The following XXYLT1 variants were observed in gnomAD, a reference collection of about 807,000 sequenced individuals.
XXYLT1 encodes the protein xyloside xylosyltransferase 1.
A neutral mutation model predicts 28.9 loss-of-function variants in XXYLT1; 20 were observed. The ratio of observed to expected loss-of-function variants is 0.69; its 90% CI spans 0.49 to 1.00. XXYLT1 has a LOEUF of 1.00. Ranked by LOEUF, XXYLT1 falls within the 50% of genes least tolerant of loss-of-function variation. The pLI, the probability that XXYLT1 is intolerant of heterozygous loss-of-function variation, is 0.00. For missense variants in XXYLT1, 542 were observed against 560.1 expected, an observed-to-expected ratio of 0.97 and a Z score of 0.33; for synonymous variants, 257 against 253.8, an observed-to-expected ratio of 1.01 and a Z score of -0.12.
Position 195,256,603 on chromosome 3 carries a change from G to T in XXYLT1, c.504+13952C>A, listed in dbSNP as rs375892477. ...CACATTCAGGATGGGGTCTGGAAAG[G>T]GCATGAGCTCTGTAAGCCCCCAGCA... On this transcript the variant is annotated intron_variant, in intron 1 of 3. Transcript: ENST00000310380. This position sits in a 1 kb window ranked among gnomAD's most constrained non-coding sequence, Gnocchi z 4.2. 6.0e-5 allele frequency: 59 copies of T among 984,228 alleles called. No individual in the cohort carries two copies. In the African/African-American group the frequency reaches 9.2e-4, roughly 15 times the overall value. 61.0% of individuals were successfully genotyped at this position (984,228 alleles called of 1,614,324 possible).
At chr3:195,196,557 C>T (rs1722633634) in intron 2 of XXYLT1, among the ~76,000 whole-genome samples, 1 of 152,158 alleles carries the variant, frequency 6.6e-6, no homozygotes, top group African/African-American at 2.4e-5. Flanking sequence ...ATAACACAGG[C>T]AGATAGGCGG....
At chr3:195,237,546 G>C (rs551922623) in intron 1 of XXYLT1, among the ~76,000 whole-genome samples, 2 of 151,922 alleles carry the variant, frequency 1.3e-5, no homozygotes, top group East Asian at 3.9e-4. Flanking sequence ...TGCCCACGAA[G>C]GTGCTTTTTT....
At chr3:195,071,665 G>GTGATTGAT (rs113132423) in intron 3 of XXYLT1, among the ~76,000 whole-genome samples, 1 of 151,926 alleles carries the variant, frequency 6.6e-6, no homozygotes, top group Non-Finnish European at 1.5e-5. Context: ...AAAGTCTGCG[G>GTGATTGAT]TGATAGGGTC....
At chr3:195,084,113 C>G (rs1715593760) in intron 3 of XXYLT1, among the ~76,000 whole-genome samples, 1 of 152,188 alleles carries the variant, frequency 6.6e-6, no homozygotes, top group Non-Finnish European at 1.5e-5. Context: ...TGTGCTTTCA[C>G]CAAGTTCAGA....
rs1017650143 is a variant in XXYLT1, at chr3:195,173,965, G to A, written c.653-17384C>T. Among the ~76,000 whole-genome samples, 2 of 152,240 alleles carry A rather than the reference G, an allele frequency of 1.3e-5. No individual in the cohort carries two copies. The highest frequency in any genetic ancestry group is 4.8e-5 in the African/African-American group (2 of 41,458). On this transcript the variant is annotated intron_variant, in intron 2 of 3. Coordinates refer to ENST00000310380, the MANE Select transcript of XXYLT1 (RefSeq NM_152531.5). This position sits in a 1 kb window ranked among gnomAD's most constrained non-coding sequence, Gnocchi z 4.3. ...AGCCGCTGGCTCCCTCGGGTTGCAGGAGCAGAGTGACATACTCAGAGTCCC... is the reference window on the plus strand; with the variant it reads ...AGCCGCTGGCTCCCTCGGGTTGCAGAAGCAGAGTGACATACTCAGAGTCCC...
Position 195,100,058 on chromosome 3 carries a change from TTGGAACTTCCAAATTTGCAAATC to T in XXYLT1, c.786-29970_786-29948del, listed in dbSNP as rs542417749. On this transcript the variant is annotated intron_variant, in intron 3 of 3. Transcript: ENST00000310380. ...ATCTATAGAATAAAGTAGTGGAAAT[TTGGAACTTCCAAATTTGCAAATC>T]TGGAACTTCCAGTCCCTGCATAAAG... 4.6e-3 allele frequency among the ~76,000 whole-genome samples: 693 copies of T among 152,192 alleles called. 2 individuals carry two copies. Among genetic ancestry groups the T allele is most frequent in the Non-Finnish European group, 7.4e-3 (503 of 67,998 alleles).
chr3:195,212,951 CCCA>C (rs1723393331), intron 2 of XXYLT1, among the ~76,000 whole-genome samples: 1 of 152,230 alleles, frequency 6.6e-6, no homozygotes, highest in Non-Finnish European at 1.5e-5. Flanking sequence ...TGCCGCCAGA[CCCA>C]CACCTCCTCT....
At chr3:195,191,752 A>G (rs181707796) in intron 2 of XXYLT1, among the ~76,000 whole-genome samples, 64 of 152,384 alleles carry the variant, frequency 4.2e-4, no homozygotes, top group African/African-American at 1.5e-3. Context: ...CAGACTTTAC[A>G]ACAAGATCAT....
chr3:195,201,603 C>T (rs1198450465), intron 2 of XXYLT1, among the ~76,000 whole-genome samples: 1 of 152,196 alleles, frequency 6.6e-6, no homozygotes, highest in Admixed American at 6.5e-5. Context: ...TCTGAAAAGG[C>T]TTGGGCTCAC....
intron 3 of XXYLT1, among the ~76,000 whole-genome samples, chr3:195,125,141 G>T (rs1016950426): frequency 1.3e-5 from 2 of 152,234 alleles, no homozygotes; most frequent in African/African-American, 4.8e-5. Context: ...AAAGAGGTGT[G>T]TAAGGGGCCA....
intron 3 of XXYLT1, among the ~76,000 whole-genome samples, chr3:195,116,399 G>A (rs1439599711): frequency 6.6e-6 from 1 of 152,160 alleles, no homozygotes; most frequent in Non-Finnish European, 1.5e-5. Flanking sequence ...GTAGGTCTGG[G>A]GTGGGGTCTG....
intron 3 of XXYLT1, among the ~76,000 whole-genome samples, chr3:195,079,162 G>T (rs1405760262): frequency 6.6e-6 from 1 of 152,186 alleles, no homozygotes; most frequent in Non-Finnish European, 1.5e-5. Flanking sequence ...AGTGTGGAAA[G>T]CTGTAGAGGG....
rs1006275949 is a variant in XXYLT1, at chr3:195,121,126, G to A, written c.785+35323C>T. Among the ~76,000 whole-genome samples, 12 of 152,238 alleles carry A rather than the reference G, an allele frequency of 7.9e-5. No individual in the cohort carries two copies. In the South Asian group the frequency reaches 1.9e-3, roughly 24 times the overall value. On this transcript the variant is annotated intron_variant, in intron 3 of 3. Coordinates refer to ENST00000310380, the MANE Select transcript of XXYLT1 (RefSeq NM_152531.5). ...CCGGGAACCACAGCACACCGGCCAT[G>A]CCCTTGGAAATGCTGCATCTACCAA...
chr3:195,251,221 G>A (rs1725239372), intron 1 of XXYLT1, among the ~76,000 whole-genome samples: 2 of 152,248 alleles, frequency 1.3e-5, no homozygotes, highest in South Asian at 4.1e-4. Flanking sequence ...CTCAAGCCTA[G>A]CAGACCATGG....
In XXYLT1 at chr3:195,115,538, C is replaced by T. The variant is rs918046288; in HGVS notation, c.785+40911G>A. Among the ~76,000 whole-genome samples the T allele has an allele frequency of 2.6e-5, 4 of 152,208 alleles. No individual in the cohort carries two copies. Among genetic ancestry groups the T allele is most frequent in the African/African-American group, 4.8e-5 (2 of 41,450 alleles). On this transcript the variant is annotated intron_variant, in intron 3 of 3. Transcript: ENST00000310380. This position sits in a 1 kb window ranked among gnomAD's most constrained non-coding sequence, Gnocchi z 4.2. ...CACCTGGAGTGGTTTCTGCTTCCTA[C>T]GCGATCCCTGGTTGATAAACCCTGC...
chr3:195,151,600 ATAAT>A (rs1270836632), intron 3 of XXYLT1, among the ~76,000 whole-genome samples: 1 of 152,114 alleles, frequency 6.6e-6, no homozygotes, highest in Non-Finnish European at 1.5e-5. Flanking sequence ...TTTAGTATAA[ATAAT>A]TGTTTAGATA....
intron 3 of XXYLT1, among the ~76,000 whole-genome samples, chr3:195,117,647 C>G (rs1718118553): frequency 6.6e-6 from 1 of 151,780 alleles, no homozygotes; most frequent in Non-Finnish European, 1.5e-5. Flanking sequence ...CCATGCACCC[C>G]CCTCTCTCAC....
At chr3:195,206,270 G>A (rs558840641) in intron 2 of XXYLT1, among the ~76,000 whole-genome samples, 20 of 151,496 alleles carry the variant, frequency 1.3e-4, no homozygotes, top group African/African-American at 4.1e-4. Context: ...TCGGCCTCCC[G>A]AAGTGCTACG....
chr3:195,237,944 A>G (rs1056565230), intron 1 of XXYLT1, among the ~76,000 whole-genome samples: 5 of 151,442 alleles, frequency 3.3e-5, no homozygotes, highest in Non-Finnish European at 5.9e-5. Flanking sequence ...TGCCCCTGCG[A>G]CCTCTCTGAC....
Sources: allele counts gnomAD v4.1 joint callset (sites outside exome capture counted in the v4.1 genomes callset), GRCh38; gene constraint gnomAD v4.1.1; non-coding constraint Gnocchi (gnomAD v3.1); transcripts MANE v1.5; gene names NCBI Gene and HGNC (gene_info 2026-07-23, HGNC 2026-07-21).